The following TMTC3 variants were observed in gnomAD, a reference collection of about 807,000 sequenced individuals.
TMTC3 encodes protein O-mannosyl-transferase TMTC3.
TMTC3 carries 52 observed loss-of-function variants against 92.2 expected under a neutral mutation model. That is an observed-to-expected ratio of 0.56 (90% CI 0.45 to 0.71). The LOEUF is 0.71. Among genes scored for constraint, TMTC3 ranks in the 30% least tolerant of loss-of-function variants. TMTC3 has a pLI of 0.00. For synonymous variants in TMTC3, 339 were observed against 363.3 expected (o/e 0.93, Z 0.76); for missense variants, 896 against 1,057.1 (o/e 0.85, Z 2.11).
intron 11 of TMTC3, 27 bp downstream of exon 11, chr12:88,188,973 G>A (rs775775060): frequency 2.4e-6 from 3 of 1,265,432 alleles, no homozygotes; most frequent in Non-Finnish European, 1.1e-6. Context: ...TATCTATTGT[G>A]TCATATCTAT....
At chr12:88,179,240 T>C (rs1360165680) in intron 10 of TMTC3, among the ~76,000 whole-genome samples, 1 of 152,202 alleles carries the variant, frequency 6.6e-6, no homozygotes, top group African/African-American at 2.4e-5. Context: ...CTAGATGGGT[T>C]TGACAGATGA....
intron 10 of TMTC3, among the ~76,000 whole-genome samples, chr12:88,184,779 TATATATATATACACACACACAAA>T (rs2041357142): frequency 6.6e-6 from 1 of 152,030 alleles, no homozygotes; most frequent in South Asian, 2.1e-4. Flanking sequence ...CATGTAAATA[TATATATATATACACACACACAAA>T]ATATATATAT....
chr12:88,162,936 T>G (rs1408831393), intron 6 of TMTC3, among the ~76,000 whole-genome samples: 4 of 151,674 alleles, frequency 2.6e-5, no homozygotes, highest in African/African-American at 9.7e-5. Flanking sequence ...TTTTTGAGAT[T>G]AGAGTTTCGC....
intron 12 of TMTC3, among the ~76,000 whole-genome samples, chr12:88,192,022 T>TTTC (rs2041449203): frequency 1.5e-5 from 2 of 134,428 alleles, no homozygotes. Flanking sequence ...TTCTTTTTTT[T>TTTC]TTTTTCTTTT....
chr12:88,176,659 C>T (rs1317286913), intron 10 of TMTC3, among the ~76,000 whole-genome samples: 2 of 152,026 alleles, frequency 1.3e-5, no homozygotes, highest in African/African-American at 2.4e-5. Flanking sequence ...CATGTAAACT[C>T]GGCTACTTGG....
intron 2 of TMTC3, among the ~76,000 whole-genome samples, chr12:88,152,418 A>T (rs1324211539): frequency 6.6e-6 from 1 of 152,154 alleles, no homozygotes; most frequent in Admixed American, 6.5e-5. Context: ...AACATCTCCC[A>T]CCAGGCCCAA....
chr12:88,167,526 AGATT>A, intron 7 of TMTC3, among the ~76,000 whole-genome samples: 1 of 152,364 alleles, frequency 6.6e-6, no homozygotes, highest in South Asian at 2.1e-4. Flanking sequence ...TGTAGCTGCT[AGATT>A]GATTTATTCA....
intron 4 of TMTC3, among the ~76,000 whole-genome samples, chr12:88,158,854 C>G (rs2041040868): frequency 6.6e-6 from 1 of 151,890 alleles, no homozygotes; most frequent in Non-Finnish European, 1.5e-5. Flanking sequence ...GAGTTCAAGA[C>G]CAGCCTGACC....
intron 7 of TMTC3, among the ~76,000 whole-genome samples, chr12:88,171,329 C>G (rs2041202322): frequency 6.6e-6 from 1 of 152,038 alleles, no homozygotes; most frequent in African/African-American, 2.4e-5. Context: ...TTCCTCCTAA[C>G]TGAAGTTTTA....
chr12:88,172,945 T>A (rs188237381), intron 8 of TMTC3, 200 bp downstream of exon 8: 271 of 1,470,260 alleles, frequency 1.8e-4, no homozygotes, highest in Middle Eastern at 8.9e-4. Flanking sequence ...TTCCCTATAT[T>A]TATGTAATTT....
chr12:88,143,886 T>C (rs1198766993), intron 1 of TMTC3, among the ~76,000 whole-genome samples: 3 of 152,172 alleles, frequency 2.0e-5, no homozygotes, highest in Non-Finnish European at 4.4e-5. Context: ...TTCATGAGTT[T>C]TCTGGGAAGA....
At chr12:88,176,059 G>C in intron 9 of TMTC3, 149 bp from the exon 10 acceptor site, 1 of 529,256 alleles carries the variant, frequency 1.9e-6, no homozygotes, top group Non-Finnish European at 3.4e-6. Context: ...AGTAAATTTG[G>C]TGAAGCAGTC....
intron 10 of TMTC3, among the ~76,000 whole-genome samples, chr12:88,179,405 T>C (rs919944933): frequency 6.6e-6 from 1 of 152,196 alleles, no homozygotes; most frequent in African/African-American, 2.4e-5. Flanking sequence ...ACTCTAAGTT[T>C]TCTATCTATA....
chr12:88,151,286 T>C, intron 2 of TMTC3, among the ~76,000 whole-genome samples: 1 of 152,190 alleles, frequency 6.6e-6, no homozygotes, highest in Non-Finnish European at 1.5e-5. Context: ...TACCTTGTGC[T>C]AAGGTAACTT....
chr12:88,199,353 G>T lies in TMTC3; in HGVS notation c.*3704G>T, dbSNP rs1565964612. On this transcript the variant is annotated 3_prime_UTR_variant, in exon 14 of 14. Coordinates refer to ENST00000266712, the MANE Select transcript of TMTC3 (RefSeq NM_181783.4). ...AAAAACATTTTCCTCTTAAAATTGT[G>T]AAGAGGATTTATATATTTATATGAT... 6.6e-6 allele frequency: 1 copy of T among 151,406 alleles called. No homozygotes were observed. Among genetic ancestry groups the T allele is most frequent in the Non-Finnish European group, 1.5e-5 (1 of 67,858 alleles). The allele number at this position is 151,406 out of a possible 1,614,324, so 9.4% of individuals were successfully genotyped here. A position where few individuals can be genotyped will look rare whatever the true frequency, so the allele number is the denominator to read the frequency against.
At chr12:88,155,866 T>C (rs1016537873) in intron 4 of TMTC3, among the ~76,000 whole-genome samples, 4 of 152,168 alleles carry the variant, frequency 2.6e-5, no homozygotes, top group African/African-American at 9.7e-5. Context: ...ATCCCAGCAC[T>C]TTGGGAGGCT....
chr12:88,166,255 T>A, intron 6 of TMTC3, 75 bp from the exon 7 acceptor site: 1 of 1,361,218 alleles, frequency 7.3e-7, no homozygotes, highest in South Asian at 1.4e-5. Context: ...GTTTATTGTT[T>A]AGTGTTTTAC....
intron 9 of TMTC3, among the ~76,000 whole-genome samples, chr12:88,175,340 T>C (rs1039465796): frequency 1.3e-5 from 2 of 152,212 alleles, no homozygotes; most frequent in African/African-American, 4.8e-5. Flanking sequence ...TTAAAGGTTA[T>C]CCGCAAAGAT....
chr12:88,148,995 A>G (rs1368125119), intron 2 of TMTC3, among the ~76,000 whole-genome samples: 1 of 152,142 alleles, frequency 6.6e-6, no homozygotes, highest in African/African-American at 2.4e-5. Flanking sequence ...TCTTGTGAGT[A>G]AGGCAAAAGA....
Sources: gnomAD v4.1 joint callset for allele counts (sites outside exome capture counted in the v4.1 genomes callset) on GRCh38, gnomAD v4.1.1 for gene constraint, MANE v1.5 for transcripts, NCBI Gene and HGNC (gene_info 2026-07-23, HGNC 2026-07-21) for gene names.